The following CREBL2 variants were observed in gnomAD, a reference collection of about 807,000 sequenced individuals.
CREBL2 encodes the protein cAMP-responsive element-binding protein-like 2.
Under a neutral mutation model 19.5 loss-of-function variants are expected in CREBL2, and 4 were observed. That is an observed-to-expected ratio of 0.20 (90% CI 0.10 to 0.47). The LOEUF (loss-of-function observed/expected upper bound fraction) is 0.47, where lower values mean the gene tolerates loss of function less well. Among genes scored for constraint, CREBL2 ranks in the 20% least tolerant of loss-of-function variants. The pLI, the probability that CREBL2 is intolerant of heterozygous loss-of-function variation, is 0.98. For synonymous variants in CREBL2, 42 were observed against 46.6 expected (o/e 0.90, Z 0.40); for missense variants, 85 against 145.1 (o/e 0.59, Z 2.13).
At chr12:12,631,069 G>T (rs1406779197) in intron 1 of CREBL2, among the ~76,000 whole-genome samples, 1 of 152,174 alleles carries the variant, frequency 6.6e-6, no homozygotes, top group Admixed American at 6.5e-5. Context: ...TTTAAAACAG[G>T]GAGTTGGAAA....
intron 1 of CREBL2, among the ~76,000 whole-genome samples, chr12:12,623,261 A>G (rs995649834): frequency 3.3e-5 from 5 of 151,988 alleles, no homozygotes; most frequent in African/African-American, 9.7e-5. Context: ...GCTGGATACT[A>G]TGGGGTTGCA....
chr12:12,636,030 T>C (rs1945472282), intron 2 of CREBL2, 56 bp downstream of exon 2: 1 of 1,438,058 alleles, frequency 7.0e-7, no homozygotes. Context: ...AAATAAATAA[T>C]ACATTAAAAT....
rs1002394517 is a variant in CREBL2, at chr12:12,612,100, G to T, written c.-73G>T. 33 of 1,580,234 alleles carry T rather than the reference G, an allele frequency of 2.1e-5. No homozygotes were observed. In the African/African-American group the frequency reaches 3.8e-4, roughly 18 times the overall value. ...TATCCCCTTCTTCCTCGGGGCGGGG[G>T]CCGGGCCAGGCCGGCTGAGCCGGGG... On this transcript the variant is annotated 5_prime_UTR_variant, in exon 1 of 4. Coordinates refer to ENST00000228865, the MANE Select transcript of CREBL2 (RefSeq NM_001310.4).
intron 1 of CREBL2, among the ~76,000 whole-genome samples, chr12:12,618,773 A>T (rs1945336018): frequency 6.6e-6 from 1 of 152,240 alleles, no homozygotes; most frequent in African/African-American, 2.4e-5. Flanking sequence ...CTCCACCTGC[A>T]ATCCCGGCAC....
Position 12,634,119 on chromosome 12 carries a change from G to A in CREBL2, c.16-1658G>A, listed in dbSNP as rs150525727. Among the ~76,000 whole-genome samples, 215 of 152,226 alleles carry A rather than the reference G, an allele frequency of 1.4e-3. 2 individuals carry two copies. Among genetic ancestry groups the A allele is most frequent in the Middle Eastern group, 0.01 (3 of 294 alleles). Reference sequence around the variant, plus strand: ...ATGCCTTATAAAACTTATAAAAACAGGCTCCAATACTACTTTTCAGAAAAT... The same window carrying A: ...ATGCCTTATAAAACTTATAAAAACAAGCTCCAATACTACTTTTCAGAAAAT... On this transcript the variant is annotated intron_variant, in intron 1 of 3. Transcript: ENST00000228865.
chr12:12,627,018 T>G (rs1945407404), intron 1 of CREBL2, among the ~76,000 whole-genome samples: 1 of 152,028 alleles, frequency 6.6e-6, no homozygotes, highest in Non-Finnish European at 1.5e-5. Flanking sequence ...AGTAAAAAGT[T>G]CAGTGATTGT....
chr12:12,624,996 T>C (rs539752151), intron 1 of CREBL2, among the ~76,000 whole-genome samples: 1 of 152,316 alleles, frequency 6.6e-6, no homozygotes, highest in African/African-American at 2.4e-5. Context: ...CAGACTCTTC[T>C]CTGAAGTTAT....
Position 12,611,923 on chromosome 12 carries a change from T to G in CREBL2, c.-250T>G. ...GTCTGTAAACACCCAGAGACTGTCA[T>G]GGAGGGGGAGGAGGAGGCGGCGGCG... On this transcript the variant is annotated 5_prime_UTR_variant, in exon 1 of 4. An upstream start codon of the reference 5' UTR is lost. Coordinates refer to ENST00000228865, the MANE Select transcript of CREBL2 (RefSeq NM_001310.4). 3.5e-6 allele frequency: 2 copies of G among 574,390 alleles called. No homozygotes were observed. The highest frequency in any genetic ancestry group is 3.0e-5 in the East Asian group (1 of 33,206). The allele number at this position is 574,390 out of a possible 1,614,324, so 35.6% of individuals were successfully genotyped here.
At chr12:12,637,233 T>TAAA (rs56369648) in intron 2 of CREBL2, among the ~76,000 whole-genome samples, 2 of 148,686 alleles carry the variant, frequency 1.3e-5, no homozygotes, top group African/African-American at 4.9e-5. Context: ...TGACAATTAT[T>TAAA]AAAAAAAAAA....
chr12:12,616,990 CT>C lies in CREBL2; in HGVS notation c.15+4804del, dbSNP rs1945316240. On this transcript the variant is annotated intron_variant, in intron 1 of 3. Transcript: ENST00000228865. The stretch of plus-strand genomic sequence containing the variant: ...AACATGATGATGATAATGTGAGGGC[CT>C]CCCTTTATAAAGATTTTGTATTCTG... 2.6e-5 allele frequency among the ~76,000 whole-genome samples: 4 copies of C among 152,244 alleles called. No homozygotes were observed. In the Middle Eastern group the frequency reaches 0.014, roughly 518 times the overall value.
At chr12:12,612,811 AAAT>A (rs1177248274) in intron 1 of CREBL2, among the ~76,000 whole-genome samples, 23 of 152,370 alleles carry the variant, frequency 1.5e-4, no homozygotes, top group Non-Finnish European at 2.9e-4. Context: ...TATGATTATA[AAAT>A]AATAGATAAT....
At chr12:12,637,027 A>G (rs1274300183) in intron 2 of CREBL2, among the ~76,000 whole-genome samples, 2 of 152,224 alleles carry the variant, frequency 1.3e-5, no homozygotes, top group Non-Finnish European at 2.9e-5. Context: ...TGAATGTGAC[A>G]TGCTATCAAT....
chr12:12,637,768 C>T, intron 3 of CREBL2, 54 bp downstream of exon 3: 5 of 1,532,654 alleles, frequency 3.3e-6, no homozygotes, highest in Non-Finnish European at 3.5e-6. Context: ...CGGTTGGGCG[C>T]AGTGGCTCAT....
chr12:12,628,895 T>C (rs1458673137), intron 1 of CREBL2, among the ~76,000 whole-genome samples: 19 of 152,254 alleles, frequency 1.2e-4, no homozygotes, highest in Non-Finnish European at 2.9e-5. Flanking sequence ...CCCCATTTAA[T>C]TGCTTTGGCA....
chr12:12,640,134 G>T (rs1192997609), intron 3 of CREBL2, among the ~76,000 whole-genome samples: 1 of 152,124 alleles, frequency 6.6e-6, no homozygotes, highest in Non-Finnish European at 1.5e-5. Flanking sequence ...CAGAGAAGCG[G>T]TCTGACCACA....
intron 1 of CREBL2, among the ~76,000 whole-genome samples, chr12:12,631,266 G>A (rs1330655514): frequency 6.6e-6 from 1 of 152,202 alleles, no homozygotes; most frequent in Non-Finnish European, 1.5e-5. Context: ...TAAGTGATTG[G>A]AGGTAGGGAG....
intron 1 of CREBL2, among the ~76,000 whole-genome samples, chr12:12,613,460 CAGAG>C (rs926701273): frequency 7.9e-5 from 12 of 152,286 alleles, no homozygotes; most frequent in Admixed American, 3.9e-4. Context: ...CACATATCCT[CAGAG>C]AGATTCAAAA....
At chr12:12,618,850 C>A (rs1005971878) in intron 1 of CREBL2, among the ~76,000 whole-genome samples, 4 of 152,230 alleles carry the variant, frequency 2.6e-5, no homozygotes, top group Non-Finnish European at 5.9e-5. Flanking sequence ...CCAGCCCGGC[C>A]AACACAGCGA....
intron 1 of CREBL2, among the ~76,000 whole-genome samples, chr12:12,619,614 G>GAAAAAAA (rs1945345030): frequency 6.7e-6 from 1 of 149,562 alleles, no homozygotes; most frequent in Admixed American, 6.6e-5. Context: ...CTGTCTCAAA[G>GAAAAAAA]GAAAAAGGAA....
Sources: gnomAD v4.1 joint callset for allele counts (sites outside exome capture counted in the v4.1 genomes callset) on GRCh38, gnomAD v4.1.1 for gene constraint, MANE v1.5 for transcripts, NCBI Gene and HGNC (gene_info 2026-07-23, HGNC 2026-07-21) for gene names.